NBPF19: variants seen among roughly 807,000 people sequenced by gnomAD.
The protein encoded by NBPF19 is NBPF family member NBPF19.
NBPF19 carries 30 observed loss-of-function variants against 45.9 expected under a neutral mutation model. The observed-to-expected ratio is 0.65, with a 90% CI of 0.49 to 0.89. The LOEUF (loss-of-function observed/expected upper bound fraction) is 0.89, where lower values mean the gene tolerates loss of function less well. NBPF19 is among the 40% of genes least tolerant of loss of function. The pLI is 0.00. For synonymous variants in NBPF19, 183 were observed against 181.2 expected (o/e 1.01, Z -0.08); for missense variants, 495 against 471.8 (o/e 1.05, Z -0.46).
At position 149,554,525 on chromosome 1, in the gene NBPF19, G is replaced by C. The variant is rs1449616048; in HGVS notation, c.11319G>C (p.Glu3773Asp). 3.7e-6 allele frequency: 6 copies of C among 1,608,104 alleles called. 1 individual carries two copies. The African/African-American group carries it at 8.0e-5, about 22-fold the overall frequency. The change falls in exon 94 of 94, where the codon GAG (glutamate) becomes GAC (aspartate). Residue 3773 changes from glutamate (E) to aspartate (D), a missense_variant. Glu to Asp is a conservative substitution (Grantham distance 45). Coordinates refer to ENST00000651566, the MANE Select transcript of NBPF19 (RefSeq NM_001351365.2). ...ACAGCGTGCTGATGGAAGTGGAAGAGCCTGAAGTCTTACAGGACTCACTGG... is the reference window on the plus strand; with the variant it reads ...ACAGCGTGCTGATGGAAGTGGAAGACCCTGAAGTCTTACAGGACTCACTGG... ...RLNSVLMEVE[E>D]PEVLQDSLDG...
At chr1:149,554,365 T>G (rs2087166863) in intron 93 of NBPF19, 130 bp from the exon 94 acceptor site, 1 of 1,561,986 alleles carries the variant, frequency 6.4e-7, no homozygotes, top group Non-Finnish European at 8.7e-7. Flanking sequence ...TAAATTTTTT[T>G]TTTTACCTCA....
rs1368198125 is a variant in NBPF19 at position 149,481,245 on chromosome 1, G to A, written c.772+361G>A. On this transcript the variant is annotated intron_variant, in intron 6 of 93. Coordinates refer to ENST00000651566, the MANE Select transcript of NBPF19 (RefSeq NM_001351365.2). Reference sequence around the variant, plus strand: ...TTTCTATGCCTGTTTAAGGAAGCTGGCAGCCTTGCCTTTGTATTTGGAAAT... The same window carrying A: ...TTTCTATGCCTGTTTAAGGAAGCTGACAGCCTTGCCTTTGTATTTGGAAAT... 1.1e-4 allele frequency among the ~76,000 whole-genome samples: 14 copies of A among 131,936 alleles called. No individual in the cohort carries two copies. The South Asian group carries it at 1.7e-3, about 16-fold the overall frequency. 86.6% of individuals were successfully genotyped at this position (131,936 alleles called of 152,430 possible).
intron 3 of NBPF19, among the ~76,000 whole-genome samples, chr1:149,478,670 G>A (rs1412365908): frequency 2.7e-5 from 4 of 150,798 alleles, no homozygotes; most frequent in Middle Eastern, 3.3e-3. Context: ...GAACATCATC[G>A]AGGATCTTGC....
intron 8 of NBPF19, 99 bp from the exon 9 acceptor site, chr1:149,487,233 T>A: frequency 1.2e-6 from 1 of 839,330 alleles, no homozygotes; most frequent in Non-Finnish European, 2.1e-6. Context: ...GTTCTCACAC[T>A]GACAAGACTG....
In NBPF19 at chr1:149,554,624, C is replaced by G; in HGVS notation, c.11418C>G (p.Tyr3806Ter). 4 of 1,608,334 alleles carry G rather than the reference C, an allele frequency of 2.5e-6. No homozygotes were observed. The highest frequency in any genetic ancestry group is 3.4e-6 in the Non-Finnish European group (4 of 1,176,778). The change falls in exon 94 of 94, where the codon TAC becomes TAG. Residue 3806 changes from tyrosine to a stop codon, truncating the protein, a stop_gained. Transcript: ENST00000651566. LOFTEE classifies it low-confidence loss of function (END_TRUNC). ...DSFQHYRSVF[Y>*]SFEEEHISFA... ...TCCAGCACTACAGAAGTGTGTTTTA[C>G]TCATTTGAGGAAGAGCATATCAGCT...
rs1406766140 is a variant in NBPF19, at chr1:149,480,389, G to T, written c.566+175G>T. Reference sequence around the variant, plus strand: ...CGGTAGCTGTCATGTTTCTCTATGTGTGCTGAGTGTCATGTCTGCACCTTA... The same window carrying T: ...CGGTAGCTGTCATGTTTCTCTATGTTTGCTGAGTGTCATGTCTGCACCTTA... On this transcript the variant is annotated intron_variant, in intron 5 of 93. Coordinates refer to ENST00000651566, the MANE Select transcript of NBPF19 (RefSeq NM_001351365.2). Among the ~76,000 whole-genome samples, 6 of 148,500 alleles carry T rather than the reference G, an allele frequency of 4.0e-5. 1 individual carries two copies. Among genetic ancestry groups the T allele is most frequent in the Admixed American group, 1.3e-4 (2 of 14,916 alleles).
intron 73 of NBPF19, among the ~76,000 whole-genome samples, chr1:149,538,435 CTG>C (rs1340776112): frequency 2.9e-3 from 90 of 30,984 alleles, no homozygotes; most frequent in Non-Finnish European, 4.6e-3. Context: ...CTCTCTCTCT[CTG>C]TGTGTGTGTG....
Position 149,483,530 on chromosome 1 carries a change from A to G in NBPF19, c.824+1304A>G, listed in dbSNP as rs1382974169. Among the ~76,000 whole-genome samples, 19 of 145,840 alleles carry G rather than the reference A, an allele frequency of 1.3e-4. 1 individual carries two copies. Among genetic ancestry groups the G allele is most frequent in the African/African-American group, 4.8e-4 (19 of 39,306 alleles). On this transcript the variant is annotated intron_variant, in intron 7 of 93. Coordinates refer to ENST00000651566, the MANE Select transcript of NBPF19 (RefSeq NM_001351365.2). ...TAACTGGGGCATTTAGCCCATTTAC[A>G]TTTAAGGTTAATATTGTTATGTGTG...
intron 9 of NBPF19, among the ~76,000 whole-genome samples, chr1:149,487,699 G>A (rs1195345656): frequency 8.7e-5 from 13 of 150,160 alleles, no homozygotes; most frequent in African/African-American, 2.9e-4. Context: ...TTCACTGTGT[G>A]TCCTGAGAGC....
intron 92 of NBPF19, 27 bp from the exon 93 acceptor site, chr1:149,553,747 G>A: frequency 8.7e-6 from 1 of 115,308 alleles, no homozygotes; most frequent in Non-Finnish European, 1.4e-5. Flanking sequence ...AGCTTAATGT[G>A]TCTGTCCATG....
chr1:149,494,301 T>C lies in NBPF19; in HGVS notation c.1998-17T>C. On this transcript the variant is annotated splice_polypyrimidine_tract_variant and intron_variant, in intron 17 of 93. Coordinates refer to ENST00000651566, the MANE Select transcript of NBPF19 (RefSeq NM_001351365.2). ...GATTCCCCCTGGCTTATTCTTTACT[T>C]TTTCCTACTTTTCCAGGCTCAGCAG... The C allele has an allele frequency of 3.5e-6, 1 of 284,826 alleles. No individual in the cohort carries two copies. Among genetic ancestry groups the C allele is most frequent in the South Asian group, 2.4e-5 (1 of 42,478 alleles). The allele number at this position is 284,826 out of a possible 1,614,324, so 17.6% of individuals were successfully genotyped here.
rs1456357329 is a variant in NBPF19 at position 149,554,793 on chromosome 1, G to A, written c.*55G>A. On this transcript the variant is annotated 3_prime_UTR_variant, in exon 94 of 94. Coordinates refer to ENST00000651566, the MANE Select transcript of NBPF19 (RefSeq NM_001351365.2). ...TCCTGCAGGCAGGACCTATAGGCAC[G>A]TGAAGATTTGAATGAAACTACAGTT... The A allele has an allele frequency of 6.8e-4, 1,093 of 1,605,162 alleles. 15 individuals are homozygous for A. The African/African-American group carries it at 0.013, about 19-fold the overall frequency.
Position 149,488,155 on chromosome 1 carries a change from C to T in NBPF19, c.1183C>T (p.Gln395Ter), listed in dbSNP as rs1216002100. The stretch of plus-strand genomic sequence containing the variant: ...AAGTGCCTTTTACGTATTGGAGCAA[C>T]AGCGTGTTGGCTTGGCTATTGACAT... ...YRSAFYVLEQ[Q>*]RVGLAIDMDE... Residue 395 changes from glutamine (Q) to a stop codon, truncating the protein, a stop_gained, in exon 10 of 94, where the codon CAG becomes TAG. Coordinates refer to ENST00000651566, the MANE Select transcript of NBPF19 (RefSeq NM_001351365.2). LOFTEE classifies it high-confidence loss of function. 19 of 679,830 alleles carry T rather than the reference C, an allele frequency of 2.8e-5. No individual in the cohort carries two copies. Among genetic ancestry groups the T allele is most frequent in the Admixed American group, 6.6e-5 (3 of 45,420 alleles). 42.1% of individuals were successfully genotyped at this position (679,830 alleles called of 1,614,324 possible).
In NBPF19 at chr1:149,487,328, G is replaced by C. The variant is rs1282253657; in HGVS notation, c.989-4G>C. 3 of 1,563,360 alleles carry C rather than the reference G, an allele frequency of 1.9e-6. No individual in the cohort carries two copies. Among genetic ancestry groups the C allele is most frequent in the African/African-American group, 1.4e-5 (1 of 73,908 alleles). On this transcript the variant is annotated splice_region_variant and splice_polypyrimidine_tract_variant and intron_variant, in intron 8 of 93. Coordinates refer to ENST00000651566, the MANE Select transcript of NBPF19 (RefSeq NM_001351365.2). ...TAAGAGGGCCCATCTGAATTTATTT[G>C]CAGGACATCGCTGGGATCAAGTGAA...
At chr1:149,487,562 A>G (rs2085630376) in intron 9 of NBPF19, among the ~76,000 whole-genome samples, 179 bp downstream of exon 9, 2 of 150,824 alleles carry the variant, frequency 1.3e-5, no homozygotes, top group African/African-American at 2.4e-5. Context: ...ATTTCTTCCT[A>G]CCCTTATCAT....
Position 149,478,937 on chromosome 1 carries a change from G to A in NBPF19, c.336G>A (p.Lys112=). ...QERELTQLRE[K]LREGRDASRS... is the part of the protein sequence containing the mutation. ...GAGAGCTGACCCAGTTAAGGGAGAA[G>A]TTACGGGAAGGGAGAGATGCCTCCC... Residue 112 remains lysine (K), a synonymous_variant, in exon 4 of 94, where the codon AAG becomes AAA. Coordinates refer to ENST00000651566, the MANE Select transcript of NBPF19 (RefSeq NM_001351365.2). The A allele has an allele frequency of 1.2e-6, 2 of 1,606,210 alleles. No individual in the cohort carries two copies. The highest frequency in any genetic ancestry group is 1.1e-5 in the South Asian group (1 of 90,838).
At position 149,487,993 on chromosome 1, in the gene NBPF19, A is replaced by C. The variant is rs2085719143; in HGVS notation, c.1041-20A>C. ...TCTGATTCCCCCTGGCTTATTCTTT[A>C]CTTTTTCCCACTTTTCCAGGCTCAG... On this transcript the variant is annotated intron_variant, in intron 9 of 93. Coordinates refer to ENST00000651566, the MANE Select transcript of NBPF19 (RefSeq NM_001351365.2). 1 of 687,976 alleles carries C rather than the reference A, an allele frequency of 1.5e-6. No individual in the cohort carries two copies. The highest frequency in any genetic ancestry group is 1.9e-5 in the African/African-American group (1 of 53,556). The allele number at this position is 687,976 out of a possible 1,614,324, so 42.6% of individuals were successfully genotyped here. A position where few individuals can be genotyped will look rare whatever the true frequency, so the allele number is the denominator to read the frequency against.
chr1:149,554,814 C>A lies in NBPF19; in HGVS notation c.*76C>A. The A allele has an allele frequency of 6.3e-7, 1 of 1,599,456 alleles. No homozygotes were observed. The highest frequency in any genetic ancestry group is 8.5e-7 in the Non-Finnish European group (1 of 1,170,346). On this transcript the variant is annotated 3_prime_UTR_variant, in exon 94 of 94. Coordinates refer to ENST00000651566, the MANE Select transcript of NBPF19 (RefSeq NM_001351365.2). ...GCACGTGAAGATTTGAATGAAACTA[C>A]AGTTCCATTTGGAAGCCCAGACATA...
chr1:149,487,803 G>GTGTT (rs2085682489), intron 9 of NBPF19, among the ~76,000 whole-genome samples: 1 of 149,018 alleles, frequency 6.7e-6, no homozygotes, highest in African/African-American at 2.5e-5. Flanking sequence ...GTGTGTGTGT[G>GTGTT]TGTGTGTGTG....
Sources: allele counts gnomAD v4.1 joint callset (sites outside exome capture counted in the v4.1 genomes callset), GRCh38; gene constraint gnomAD v4.1.1; transcripts MANE v1.5; gene names NCBI Gene and HGNC (gene_info 2026-07-23, HGNC 2026-07-21).